CNTN4: variants seen among roughly 807,000 people sequenced by gnomAD.
CNTN4 encodes contactin 4.
A neutral mutation model predicts 122.5 loss-of-function variants in CNTN4; 77 were observed. That is an observed-to-expected ratio of 0.63 (90% CI 0.52 to 0.76). The LOEUF (loss-of-function observed/expected upper bound fraction) is 0.76. CNTN4 is among the 30% of genes least tolerant of loss of function. The pLI is 0.00. For missense variants in CNTN4, 1,256 were observed against 1,259.1 expected (o/e 1.00, Z 0.04); for synonymous variants, 512 against 447.0 (o/e 1.15, Z -1.83).
chr3:2,615,076 T>G (rs1207425408), intron 4 of CNTN4, among the ~76,000 whole-genome samples: 1 of 152,174 alleles, frequency 6.6e-6, no homozygotes, highest in African/African-American at 2.4e-5. Context: ...GAAAGTTTTA[T>G]GTTATTAGCT....
chr3:2,518,613 G>A (rs9835887), intron 3 of CNTN4, among the ~76,000 whole-genome samples: 53,194 of 151,904 alleles, frequency 0.35, 10,227 homozygotes, highest in African/African-American at 0.5. Flanking sequence ...GAGTACTCAG[G>A]AATTTTTAAT....
chr3:2,273,757 A>G (rs550183125), intron 2 of CNTN4, among the ~76,000 whole-genome samples: 3 of 152,342 alleles, frequency 2.0e-5, no homozygotes, highest in East Asian at 3.9e-4. Context: ...ACCTGGGCTT[A>G]TAGCATAACA....
At chr3:2,301,333 A>T (rs1311397673) in intron 2 of CNTN4, among the ~76,000 whole-genome samples, 2 of 152,336 alleles carry the variant, frequency 1.3e-5, no homozygotes, top group African/African-American at 4.8e-5. Flanking sequence ...CATTTATTAA[A>T]CTATGAATAC....
chr3:2,842,936 A>G (rs1313586587), intron 7 of CNTN4, among the ~76,000 whole-genome samples: 1 of 151,968 alleles, frequency 6.6e-6, no homozygotes, highest in East Asian at 1.9e-4. Context: ...CTCAAGACCC[A>G]GGCCTTTATC....
chr3:2,430,145 C>G (rs1201985977), intron 3 of CNTN4, among the ~76,000 whole-genome samples: 1 of 151,984 alleles, frequency 6.6e-6, no homozygotes, highest in Admixed American at 6.6e-5. Context: ...AGAAATTGGC[C>G]GGGCTCAGTG....
chr3:2,195,053 G>C (rs1377742772), intron 2 of CNTN4, among the ~76,000 whole-genome samples: 1 of 151,660 alleles, frequency 6.6e-6, no homozygotes, highest in Non-Finnish European at 1.5e-5. Flanking sequence ...TATATCCTTT[G>C]ATCCCCATTC....
chr3:2,755,100 C>T (rs2090273323), intron 6 of CNTN4, among the ~76,000 whole-genome samples: 1 of 152,116 alleles, frequency 6.6e-6, no homozygotes, highest in Admixed American at 6.6e-5. Context: ...AGCCCAGATC[C>T]TTGCTTCTAT....
rs1559699112 is a variant in CNTN4 at position 2,943,623 on chromosome 3, TATATATA to T, written c.1358+17845_1358+17851del. ...ATATATAAATATATTTATATATATA[TATATATA>T]TTTTTTTTTTTTGAGACGGAGTCTT... On this transcript the variant is annotated intron_variant, in intron 13 of 24. Coordinates refer to ENST00000418658, the MANE Select transcript of CNTN4 (RefSeq NM_175607.3). Among the ~76,000 whole-genome samples, 13 of 78,310 alleles carry T rather than the reference TATATATA, an allele frequency of 1.7e-4. No individual in the cohort carries two copies. In the South Asian group the frequency reaches 5.6e-3, roughly 34 times the overall value. The allele number at this position is 78,310 out of a possible 152,430, so 51.4% of individuals were successfully genotyped here. A position where few individuals can be genotyped will look rare whatever the true frequency, so the allele number is the denominator to read the frequency against.
At chr3:2,936,239 A>G (rs762517735) in intron 13 of CNTN4, among the ~76,000 whole-genome samples, 6 of 152,158 alleles carry the variant, frequency 3.9e-5, no homozygotes, top group Admixed American at 6.5e-5. Flanking sequence ...TTCCTAAGGC[A>G]GTGTTTCTCC....
At chr3:2,266,699 T>A (rs1658556275) in intron 2 of CNTN4, among the ~76,000 whole-genome samples, 1 of 152,080 alleles carries the variant, frequency 6.6e-6, no homozygotes, top group African/African-American at 2.4e-5. Context: ...ACCAATTCAT[T>A]GGTAAGGAAC....
intron 3 of CNTN4, among the ~76,000 whole-genome samples, chr3:2,358,178 A>G (rs919254984): frequency 8.5e-5 from 13 of 152,270 alleles, no homozygotes; most frequent in African/African-American, 3.1e-4. Flanking sequence ...CAATATTTCT[A>G]TCTATTTAAG....
intron 2 of CNTN4, among the ~76,000 whole-genome samples, chr3:2,141,398 A>G (rs569191049): frequency 7.9e-5 from 12 of 152,294 alleles, no homozygotes; most frequent in African/African-American, 2.9e-4. Context: ...TAAGCCAAGG[A>G]TCAAGGTCAG....
At chr3:2,167,031 T>C (rs74463010) in intron 2 of CNTN4, among the ~76,000 whole-genome samples, 33,009 of 151,662 alleles carry the variant, frequency 0.22, 4,548 homozygotes, top group Non-Finnish European at 0.32. Flanking sequence ...TATCAAAATA[T>C]TATGTTGTGT....
chr3:2,627,629 G>T (rs1399581559), intron 4 of CNTN4, among the ~76,000 whole-genome samples: 18 of 151,530 alleles, frequency 1.2e-4, no homozygotes, highest in African/African-American at 4.1e-4. Flanking sequence ...GAGTAGTTGG[G>T]AATACAGGTG....
intron 2 of CNTN4, among the ~76,000 whole-genome samples, chr3:2,201,883 G>T (rs1036134027): frequency 6.6e-6 from 1 of 152,056 alleles, no homozygotes; most frequent in Non-Finnish European, 1.5e-5. Flanking sequence ...CTGACATAAT[G>T]CATGATTTGG....
At chr3:2,541,812 A>C (rs11705951) in intron 3 of CNTN4, among the ~76,000 whole-genome samples, 43,005 of 151,726 alleles carry the variant, frequency 0.28, 6,902 homozygotes, top group Admixed American at 0.4. Flanking sequence ...GCCTTCTTCA[A>C]CTCTTAATTA....
intron 12 of CNTN4, among the ~76,000 whole-genome samples, chr3:2,911,203 T>A (rs2094295716): frequency 1.9e-5 from 1 of 52,136 alleles, no homozygotes; most frequent in African/African-American, 8.5e-5. Flanking sequence ...AACAAAGTCT[T>A]ATCAACATGG....
At chr3:2,563,584 A>G (rs1331902716) in intron 3 of CNTN4, among the ~76,000 whole-genome samples, 1 of 152,164 alleles carries the variant, frequency 6.6e-6, no homozygotes, top group Non-Finnish European at 1.5e-5. Context: ...CTGATTTACT[A>G]CATTGTACTG....
At chr3:3,025,553 G>A (rs1698657693) in intron 14 of CNTN4, among the ~76,000 whole-genome samples, 1 of 152,012 alleles carries the variant, frequency 6.6e-6, no homozygotes, top group African/African-American at 2.4e-5. Flanking sequence ...AAAAGACTGG[G>A]GGAAATTATA....
Sources: gnomAD v4.1 joint callset for allele counts (sites outside exome capture counted in the v4.1 genomes callset) on GRCh38, gnomAD v4.1.1 for gene constraint, MANE v1.5 for transcripts, NCBI Gene and HGNC (gene_info 2026-07-23, HGNC 2026-07-21) for gene names.